Variants in RUNX1 observed in about 807,000 individuals in gnomAD.
RUNX1 encodes the protein RUNX family transcription factor 1, also known as runt-related transcription factor 1.
A neutral mutation model predicts 42.8 loss-of-function variants in RUNX1; 19 were observed. The observed-to-expected ratio is 0.44, with a 90% CI of 0.31 to 0.65. The LOEUF (loss-of-function observed/expected upper bound fraction) is 0.65, where lower values mean the gene tolerates loss of function less well. Ranked by LOEUF, RUNX1 falls within the 30% of genes least tolerant of loss-of-function variation. RUNX1 has a pLI of 0.07. For missense variants in RUNX1, 528 were observed against 672.0 expected, an observed-to-expected ratio of 0.79 and a Z score of 2.37; for synonymous variants, 271 against 289.4, an observed-to-expected ratio of 0.94 and a Z score of 0.64.
rs2056574293 is a variant in RUNX1 at position 34,799,291 on chromosome 21, A to G, written c.967+10T>C. On this transcript the variant is annotated intron_variant, in intron 8 of 8. Transcript: ENST00000675419. ...CTCAGCTGCAAAGAATGTGTTTTCA[A>G]GTGGCTTACTTGAGAGTCGACTGGA... The G allele has an allele frequency of 6.2e-7, 1 of 1,614,032 alleles. No homozygotes were observed. Among genetic ancestry groups the G allele is most frequent in the Non-Finnish European group, 8.5e-7 (1 of 1,180,004 alleles).
chr21:34,850,478 C>T (rs917313040), intron 6 of RUNX1, among the ~76,000 whole-genome samples: 1 of 152,218 alleles, frequency 6.6e-6, no homozygotes, highest in African/African-American at 2.4e-5. Flanking sequence ...ATTCCGACCC[C>T]AAGACACCTG....
At chr21:34,974,426 G>T (rs1339159297) in intron 2 of RUNX1, among the ~76,000 whole-genome samples, 1 of 151,968 alleles carries the variant, frequency 6.6e-6, no homozygotes, top group Non-Finnish European at 1.5e-5. Flanking sequence ...GTTCAGTGTG[G>T]TTTTTACTCA....
intron 4 of RUNX1, among the ~76,000 whole-genome samples, chr21:34,881,069 C>T (rs2146367171): frequency 6.6e-6 from 1 of 152,274 alleles, no homozygotes; most frequent in East Asian, 1.9e-4. Context: ...TCACATAGCA[C>T]AGTTGGAACA....
chr21:34,948,895 G>A (rs753393389), intron 2 of RUNX1, among the ~76,000 whole-genome samples: 28 of 152,200 alleles, frequency 1.8e-4, no homozygotes, highest in Non-Finnish European at 3.4e-4. Context: ...ACAGGAGCCC[G>A]CCACTGTGCC....
intron 2 of RUNX1, among the ~76,000 whole-genome samples, chr21:34,989,634 C>G (rs1443365436): frequency 1.3e-5 from 2 of 152,134 alleles, no homozygotes; most frequent in East Asian, 3.9e-4. Flanking sequence ...TTTGATACAT[C>G]AAATCCACCC....
At chr21:34,967,973 TC>T (rs1460120122) in intron 2 of RUNX1, among the ~76,000 whole-genome samples, 1 of 152,198 alleles carries the variant, frequency 6.6e-6, no homozygotes, top group African/African-American at 2.4e-5. Flanking sequence ...TGGCCCCACT[TC>T]CCAGTGCCTT....
intron 2 of RUNX1, among the ~76,000 whole-genome samples, chr21:34,915,066 G>A (rs146925574): frequency 1.7e-3 from 254 of 152,218 alleles, no homozygotes; most frequent in African/African-American, 5.8e-3. Context: ...TTACAGCACC[G>A]TTATGAGGAC....
chr21:34,792,485 C>A lies in RUNX1; in HGVS notation c.1093G>T (p.Gly365Cys), dbSNP rs752616540. The change falls in exon 9 of 9, where the codon GGC becomes TGC. Residue 365 changes from glycine to cysteine, a missense_variant. Gly to Cys is a radical substitution (Grantham distance 159, BLOSUM62 -3). Around this residue, in one of 3 missense-constraint regions of RUNX1, gnomAD observed 331 missense variants for 382.5 expected, o/e 0.87. Transcript: ENST00000675419. The surrounding 1 kb of genome is among the most constrained non-coding windows in gnomAD (Gnocchi z 6.9). ...GAGCCCATGGCCGACATGCCGATGC[C>A]GATGCCCGAGGTGACCGGCGTCGGG... Reference protein sequence around the residue: ...YSPTPVTSGIGIGMSAMGSAT... With the variant: ...YSPTPVTSGICIGMSAMGSAT... The A allele has an allele frequency of 1.9e-6, 3 of 1,591,396 alleles. No individual in the cohort carries two copies. Among genetic ancestry groups the A allele is most frequent in the South Asian group, 1.1e-5 (1 of 87,808 alleles).
chr21:34,815,130 A>C (rs1225354934), intron 7 of RUNX1, among the ~76,000 whole-genome samples: 1 of 152,180 alleles, frequency 6.6e-6, no homozygotes, highest in Non-Finnish European at 1.5e-5. Flanking sequence ...CTTCCCCTTG[A>C]TTTGAACAAA....
intron 2 of RUNX1, among the ~76,000 whole-genome samples, chr21:34,953,277 C>T (rs942058974): frequency 1.3e-5 from 2 of 152,092 alleles, no homozygotes; most frequent in Non-Finnish European, 2.9e-5. Context: ...AAAAAGTGGC[C>T]ATAAACAGAA....
At chr21:34,918,858 ATCATGCCACTGCAC>A (rs980479081) in intron 2 of RUNX1, among the ~76,000 whole-genome samples, 4 of 152,228 alleles carry the variant, frequency 2.6e-5, no homozygotes, top group African/African-American at 7.2e-5. Context: ...GTGAGCTGAG[ATCATGCCACTGCAC>A]TCTAGCCTGG....
chr21:34,816,048 C>A (rs547308477), intron 7 of RUNX1, among the ~76,000 whole-genome samples: 134 of 152,252 alleles, frequency 8.8e-4, no homozygotes, highest in African/African-American at 1.9e-3. Flanking sequence ...GCTCTCCCCC[C>A]AGGTTCCCAG....
chr21:35,040,000 G>A (rs967908594), intron 2 of RUNX1, among the ~76,000 whole-genome samples: 1 of 152,198 alleles, frequency 6.6e-6, no homozygotes, highest in African/African-American at 2.4e-5. Flanking sequence ...GAAAGGGGCT[G>A]GGATAAGAGA....
rs555366994 is a variant in RUNX1 at position 34,834,478 on chromosome 21, G to A, written c.737C>T (p.Thr246Met). The A allele has an allele frequency of 2.1e-5, 34 of 1,612,982 alleles. No individual in the cohort carries two copies. The highest frequency in any genetic ancestry group is 6.7e-5 in the Admixed American group (4 of 59,986). Residue 246 changes from threonine to methionine, a missense_variant, in exon 7 of 9, where the codon ACG (threonine) becomes ATG (methionine). By Grantham distance (81) the Thr-to-Met change is moderately conservative (BLOSUM62 -1). Transcript: ENST00000675419. ...MRVSPHHPAPTPNPRASLNHS... is the reference protein window; with the variant it reads ...MRVSPHHPAPMPNPRASLNHS... ...GTTCAGGGAGGCACGAGGGTTGGGC[G>A]TGGGGGCTGGGTGGTGTGGGCTGAC...
intron 2 of RUNX1, among the ~76,000 whole-genome samples, chr21:34,997,443 A>C (rs879624646): frequency 2.0e-4 from 31 of 152,316 alleles, no homozygotes; most frequent in Non-Finnish European, 4.0e-4. Flanking sequence ...AGAATCCCCC[A>C]ACATCAAAGG....
chr21:34,799,516 A>G (rs188096485), intron 7 of RUNX1, 54 bp from the exon 8 acceptor site: 1 of 1,517,644 alleles, frequency 6.6e-7, no homozygotes, highest in East Asian at 2.3e-5. Flanking sequence ...GATTTAAAAA[A>G]TGTCTTTTAA....
chr21:34,806,088 C>T (rs1488780670), intron 7 of RUNX1, among the ~76,000 whole-genome samples: 1 of 151,968 alleles, frequency 6.6e-6, no homozygotes, highest in Non-Finnish European at 1.5e-5. Context: ...GAATCAGGTG[C>T]AACAAATATA....
intron 5 of RUNX1, among the ~76,000 whole-genome samples, chr21:34,878,893 A>G (rs892534269): frequency 1.3e-5 from 2 of 152,222 alleles, no homozygotes; most frequent in African/African-American, 2.4e-5. Flanking sequence ...ACGGATCACT[A>G]AATAGTTTTT....
chr21:34,957,135 C>T (rs2058650285), intron 2 of RUNX1, among the ~76,000 whole-genome samples: 2 of 152,220 alleles, frequency 1.3e-5, no homozygotes, highest in Non-Finnish European at 2.9e-5. Context: ...CATGGCCAGG[C>T]TGTCTCCTCT....
Sources: gnomAD v4.1 joint callset for allele counts (sites outside exome capture counted in the v4.1 genomes callset) on GRCh38, gnomAD v4.1.1 for gene constraint, gnomAD v4.1.1 regional missense constraint, Gnocchi (gnomAD v3.1) non-coding constraint, MANE v1.5 for transcripts, NCBI Gene and HGNC (gene_info 2026-07-23, HGNC 2026-07-21) for gene names.